NRXN3: variants seen among roughly 807,000 people sequenced by gnomAD.
The protein encoded by NRXN3 is neurexin 3, also known as neurexin III.
In NRXN3, 32 loss-of-function variants were observed where a neutral mutation model predicts 137.6. That is an observed-to-expected ratio of 0.23 (90% confidence interval 0.18 to 0.31). NRXN3 has a LOEUF of 0.31. Ranked by LOEUF, NRXN3 falls within the 10% of genes least tolerant of loss-of-function variation. NRXN3 has a pLI of 1.00. For missense variants in NRXN3, 1,574 were observed against 2,062.5 expected, an observed-to-expected ratio of 0.76 and a Z score of 4.59; for synonymous variants, 798 against 784.5, an observed-to-expected ratio of 1.02 and a Z score of -0.29.
intron 6 of NRXN3, among the ~76,000 whole-genome samples, chr14:78,653,924 G>A (rs913393137): frequency 6.6e-6 from 1 of 152,130 alleles, no homozygotes; most frequent in South Asian, 2.1e-4. Context: ...TTCAGACCAA[G>A]TTAGAAAAAG....
At chr14:78,972,670 C>T (rs1310263703) in intron 14 of NRXN3, among the ~76,000 whole-genome samples, 3 of 152,150 alleles carry the variant, frequency 2.0e-5, no homozygotes, top group Admixed American at 6.5e-5. Context: ...TCTGAGGAGG[C>T]CGGCTCTGTC....
chr14:78,826,570 G>A (rs900459119), intron 10 of NRXN3, among the ~76,000 whole-genome samples: 3 of 152,194 alleles, frequency 2.0e-5, no homozygotes, highest in African/African-American at 7.2e-5. Flanking sequence ...TGCACTGGTT[G>A]CATACCTTTG....
chr14:78,224,394 T>TA (rs1196582646), intron 1 of NRXN3, among the ~76,000 whole-genome samples: 3 of 152,078 alleles, frequency 2.0e-5, no homozygotes, highest in Non-Finnish European at 4.4e-5. Context: ...CATTTAGCAT[T>TA]AGGTATATCT....
chr14:79,569,925 A>T (rs982362210), intron 16 of NRXN3, among the ~76,000 whole-genome samples: 9 of 151,984 alleles, frequency 5.9e-5, no homozygotes, highest in African/African-American at 2.2e-4. Context: ...ACATATTTTA[A>T]TGTCTGAAAA....
intron 16 of NRXN3, among the ~76,000 whole-genome samples, chr14:79,636,257 G>C (rs993771021): frequency 8.5e-5 from 13 of 152,164 alleles, no homozygotes; most frequent in African/African-American, 3.1e-4. Context: ...ATAACTCCAT[G>C]TTATAACTGT....
chr14:79,116,347 C>T (rs2054438511), intron 15 of NRXN3, among the ~76,000 whole-genome samples: 1 of 152,144 alleles, frequency 6.6e-6, no homozygotes, highest in African/African-American at 2.4e-5. Flanking sequence ...ATCTGCAGAC[C>T]TCTAACTCTC....
chr14:78,814,170 C>T (rs1398720138), intron 10 of NRXN3, among the ~76,000 whole-genome samples: 1 of 152,150 alleles, frequency 6.6e-6, no homozygotes, highest in African/African-American at 2.4e-5. Flanking sequence ...AAGTTTGTTG[C>T]TGAATTTGAT....
At chr14:78,981,430 C>T (rs2099489159) in intron 14 of NRXN3, among the ~76,000 whole-genome samples, 1 of 152,166 alleles carries the variant, frequency 6.6e-6, no homozygotes, top group African/African-American at 2.4e-5. Flanking sequence ...AGACCTCACC[C>T]TCTCACTTGC....
At chr14:78,543,898 A>G (rs1225893952) in intron 4 of NRXN3, among the ~76,000 whole-genome samples, 2 of 152,152 alleles carry the variant, frequency 1.3e-5, no homozygotes, top group African/African-American at 4.8e-5. Context: ...TATCATACAG[A>G]ATATTATGAT....
At chr14:79,748,793 G>A (rs886941855) in intron 19 of NRXN3, among the ~76,000 whole-genome samples, 5 of 151,934 alleles carry the variant, frequency 3.3e-5, no homozygotes, top group Admixed American at 2.6e-4. Flanking sequence ...ATTGTCAAAT[G>A]TACAAATACA....
chr14:78,472,773 G>T (rs1399816089), intron 4 of NRXN3, among the ~76,000 whole-genome samples: 1 of 152,098 alleles, frequency 6.6e-6, no homozygotes, highest in African/African-American at 2.4e-5. Flanking sequence ...TAAGATAAAG[G>T]ACAGGGGCTC....
At chr14:78,675,497 A>G (rs1567034176) in intron 6 of NRXN3, among the ~76,000 whole-genome samples, 2 of 152,184 alleles carry the variant, frequency 1.3e-5, no homozygotes, top group Non-Finnish European at 2.9e-5. Context: ...AAATTTTTTC[A>G]GCAGTTCTGG....
At chr14:79,039,095 C>T (rs747425461) in intron 15 of NRXN3, among the ~76,000 whole-genome samples, 2 of 152,042 alleles carry the variant, frequency 1.3e-5, no homozygotes, top group African/African-American at 2.4e-5. Context: ...AAGGTGTCTC[C>T]GAAAGAACTC....
intron 4 of NRXN3, among the ~76,000 whole-genome samples, chr14:78,372,605 A>G (rs997725705): frequency 2.0e-5 from 3 of 152,162 alleles, no homozygotes; most frequent in Non-Finnish European, 4.4e-5. Flanking sequence ...AGGATTACAG[A>G]CATAAGCCAC....
chr14:79,805,114 A>C lies in NRXN3; in HGVS notation c.4017A>C (p.Pro1339=). Residue 1339 remains proline (P), a splice_region_variant and synonymous_variant, in exon 20 of 21, where the codon CCA becomes CCC. Transcript: ENST00000335750. ...TATTTTCTCTTTGACATAAACAGCC[A>C]ACATCAGATGATCTTGTTTCATCTG... ...RKNRSTASIQ[P]TSDDLVSSAE... 1 of 1,610,964 alleles carries C rather than the reference A, an allele frequency of 6.2e-7. No individual in the cohort carries two copies. The highest frequency in any genetic ancestry group is 8.5e-7 in the Non-Finnish European group (1 of 1,177,870).
intron 8 of NRXN3, among the ~76,000 whole-genome samples, chr14:78,729,475 T>C (rs1464833837): frequency 6.6e-6 from 1 of 152,162 alleles, no homozygotes; most frequent in Non-Finnish European, 1.5e-5. Context: ...AGCTGTCCAT[T>C]TGGAGTAAAT....
chr14:79,336,840 C>T (rs934183564), intron 15 of NRXN3, among the ~76,000 whole-genome samples: 1 of 152,140 alleles, frequency 6.6e-6, no homozygotes, highest in African/African-American at 2.4e-5. Context: ...GGATTATGAA[C>T]AACCCCAAGG....
At chr14:78,885,840 G>A (rs1223847077) in intron 10 of NRXN3, among the ~76,000 whole-genome samples, 1 of 151,996 alleles carries the variant, frequency 6.6e-6, no homozygotes, top group African/African-American at 2.4e-5. Flanking sequence ...CAGCAAACTA[G>A]CCCAAGAAAA....
intron 15 of NRXN3, among the ~76,000 whole-genome samples, chr14:79,309,809 T>C (rs2153229230): frequency 6.9e-6 from 1 of 145,254 alleles, no homozygotes; most frequent in East Asian, 2.1e-4. Flanking sequence ...TTTGTTTGAG[T>C]TCATTGTAGA....
Sources: gnomAD v4.1 joint callset for allele counts (sites outside exome capture counted in the v4.1 genomes callset) on GRCh38, gnomAD v4.1.1 for gene constraint, MANE v1.5 for transcripts, NCBI Gene and HGNC (gene_info 2026-07-23, HGNC 2026-07-21) for gene names.